PEAK1: variants seen among roughly 807,000 people sequenced by gnomAD.
PEAK1 encodes inactive tyrosine-protein kinase PEAK1.
Under a neutral mutation model 124.7 loss-of-function variants are expected in PEAK1, and 54 were observed. The ratio of observed to expected loss-of-function variants is 0.43; its 90% CI spans 0.35 to 0.54. The LOEUF is 0.54. Among genes scored for constraint, PEAK1 ranks in the 20% least tolerant of loss-of-function variants. The probability of loss-of-function intolerance (pLI) is 0.01; values close to 1 mark genes in which losing one functional copy is unlikely to be tolerated. For synonymous variants in PEAK1, 719 were observed against 760.0 expected (o/e 0.95, Z 0.89); for missense variants, 2,046 against 2,134.5 (o/e 0.96, Z 0.82).
intron 2 of PEAK1, among the ~76,000 whole-genome samples, chr15:77,322,958 G>A (rs1016646449): frequency 6.6e-6 from 1 of 152,194 alleles, no homozygotes; most frequent in Non-Finnish European, 1.5e-5. Flanking sequence ...CTTCATCCCT[G>A]GGATGCAAGG....
chr15:77,286,887 C>A (rs564739477), intron 2 of PEAK1, among the ~76,000 whole-genome samples: 29 of 152,202 alleles, frequency 1.9e-4, no homozygotes, highest in African/African-American at 5.8e-4. Flanking sequence ...AGTTCTTAAC[C>A]TTTTGGGTGG....
At chr15:77,216,268 C>A (rs956867504) in intron 6 of PEAK1, among the ~76,000 whole-genome samples, 1 of 152,010 alleles carries the variant, frequency 6.6e-6, no homozygotes. Flanking sequence ...GAGGGATCTT[C>A]GAAAAGTTCA....
chr15:77,171,822 T>C (rs1162605957), intron 7 of PEAK1, among the ~76,000 whole-genome samples: 2 of 152,318 alleles, frequency 1.3e-5, no homozygotes, highest in African/African-American at 2.4e-5. Flanking sequence ...AATTTAAGTA[T>C]TAAATAAAAA....
At chr15:77,388,841 T>C (rs113722154) in intron 1 of PEAK1, among the ~76,000 whole-genome samples, 3,383 of 151,872 alleles carry the variant, frequency 0.022, 58 homozygotes, top group Non-Finnish European at 0.036. Flanking sequence ...ACAGGCCTTA[T>C]ATGAATTGTT....
At chr15:77,404,500 A>C (rs1021555387) in intron 1 of PEAK1, 1 of 472,198 alleles carries the variant, frequency 2.1e-6, no homozygotes, top group Non-Finnish European at 2.8e-6. Context: ...TATACAATTT[A>C]TACTAGAATA....
At chr15:77,380,001 A>C (rs1270582232) in intron 1 of PEAK1, among the ~76,000 whole-genome samples, 1 of 152,194 alleles carries the variant, frequency 6.6e-6, no homozygotes, top group Non-Finnish European at 1.5e-5. Flanking sequence ...GAATTTCTTT[A>C]CTATATTTCT....
intron 8 of PEAK1, chr15:77,157,408 T>C (rs1377627353): frequency 6.6e-6 from 1 of 152,238 alleles, no homozygotes; most frequent in East Asian, 1.9e-4. Flanking sequence ...GCCTCAGGCT[T>C]TGCTTTTCAG....
At chr15:77,226,887 T>C (rs2059701601) in intron 6 of PEAK1, among the ~76,000 whole-genome samples, 1 of 152,210 alleles carries the variant, frequency 6.6e-6, no homozygotes, top group Non-Finnish European at 1.5e-5. Context: ...TTTCGTGATT[T>C]GCTCATAGAC....
At chr15:77,281,508 T>C (rs904592976) in intron 5 of PEAK1, among the ~76,000 whole-genome samples, 8 of 152,172 alleles carry the variant, frequency 5.3e-5, no homozygotes, top group Admixed American at 6.5e-5. Context: ...AGCAAAGCTA[T>C]TGAGGAAGTT....
At chr15:77,148,292 GT>G (rs1241952073) in intron 8 of PEAK1, among the ~76,000 whole-genome samples, 3 of 151,876 alleles carry the variant, frequency 2.0e-5, no homozygotes, top group Non-Finnish European at 4.4e-5. Context: ...CCAGTTGAGT[GT>G]TTTTTTTAAA....
chr15:77,419,845 G>A (rs2073234880), intron 1 of PEAK1, among the ~76,000 whole-genome samples, 161 bp downstream of exon 1: 1 of 148,542 alleles, frequency 6.7e-6, no homozygotes, highest in Non-Finnish European at 1.5e-5. Context: ...CCAGAGCCCC[G>A]GCGGCGGCGC....
At chr15:77,419,634 C>A (rs2073203102) in intron 1 of PEAK1, 2 of 985,114 alleles carry the variant, frequency 2.0e-6, no homozygotes, top group South Asian at 4.7e-5. Flanking sequence ...CTCCTCCAGG[C>A]TTCACTTTCC....
rs561621338 is a variant in PEAK1 at position 77,272,273 on chromosome 15, A to G, written c.-275+11610T>C. Among the ~76,000 whole-genome samples the G allele has an allele frequency of 1.1e-4, 16 of 152,284 alleles. No individual in the cohort carries two copies. In the East Asian group the frequency reaches 3.1e-3, roughly 29 times the overall value. On this transcript the variant is annotated intron_variant, in intron 5 of 9. Coordinates refer to ENST00000682557, the MANE Select transcript of PEAK1 (RefSeq NM_001385026.1). ...AAGCAACCAAGATCAGAGCAGTACT[A>G]AATGAAATTCAAACAAACAAAAAAA... is the stretch of plus-strand genomic sequence containing the variant.
intron 8 of PEAK1, among the ~76,000 whole-genome samples, chr15:77,147,422 T>A (rs1293802842): frequency 6.6e-6 from 1 of 152,164 alleles, no homozygotes; most frequent in Non-Finnish European, 1.5e-5. Context: ...AAAAGGAATG[T>A]AGAAGATATG....
Position 77,181,639 on chromosome 15 carries a change from C to T in PEAK1, c.288G>A (p.Glu96=), listed in dbSNP as rs753705034. Residue 96 remains glutamate (E), a synonymous_variant, in exon 7 of 10, where the codon GAG becomes GAA. Transcript: ENST00000682557. Reference sequence around the variant, plus strand: ...TCCACCCTATGATGACAGGTTTGTTCTCACAGTGTTCTTGGATGCTAAGCT... The same window carrying T: ...TCCACCCTATGATGACAGGTTTGTTTTCACAGTGTTCTTGGATGCTAAGCT... The part of the protein sequence containing the change: ...CGELSIQEHC[E]NKPVIIGWNR... 6.8e-6 allele frequency: 11 copies of T among 1,614,104 alleles called. No homozygotes were observed. The highest frequency in any genetic ancestry group is 9.3e-6 in the Non-Finnish European group (11 of 1,180,018).
intron 4 of PEAK1, 142 bp from the exon 5 acceptor site, chr15:77,284,172 CATGAGATTAATGT>C (rs767058614): frequency 6.5e-5 from 16 of 247,010 alleles, no homozygotes; most frequent in Non-Finnish European, 8.4e-5. Context: ...ATGAGGCTCA[CATGAGATTAATGT>C]ATGTAAAGAG....
At chr15:77,250,406 CCGGCT>C (rs2060824182) in intron 6 of PEAK1, among the ~76,000 whole-genome samples, 1 of 150,518 alleles carries the variant, frequency 6.6e-6, no homozygotes, top group Non-Finnish European at 1.5e-5. Flanking sequence ...GCCACCACAC[CCGGCT>C]AATTTTTGTG....
intron 1 of PEAK1, among the ~76,000 whole-genome samples, chr15:77,411,187 G>C (rs1256248556): frequency 6.6e-6 from 1 of 151,926 alleles, no homozygotes; most frequent in East Asian, 1.9e-4. Context: ...ACGGCAGATG[G>C]TAAGGCCAAC....
At chr15:77,215,774 C>T (rs1249287923) in intron 6 of PEAK1, among the ~76,000 whole-genome samples, 1 of 152,096 alleles carries the variant, frequency 6.6e-6, no homozygotes, top group Non-Finnish European at 1.5e-5. Context: ...CGTTATGTTG[C>T]CCCTGCACCT....
Sources: gnomAD v4.1 joint callset for allele counts (sites outside exome capture counted in the v4.1 genomes callset) on GRCh38, gnomAD v4.1.1 for gene constraint, MANE v1.5 for transcripts, NCBI Gene and HGNC (gene_info 2026-07-23, HGNC 2026-07-21) for gene names.